DNAH5: variants seen among roughly 807,000 people sequenced by gnomAD.
The protein encoded by DNAH5 is axonemal beta dynein heavy chain 5.
DNAH5 carries 372 observed loss-of-function variants against 518.2 expected under a neutral mutation model. The observed-to-expected ratio is 0.72, with a 90% CI of 0.66 to 0.78. DNAH5 has a LOEUF of 0.78. DNAH5 is among the 30% of genes least tolerant of loss of function. The probability of loss-of-function intolerance (pLI) is 0.00; values close to 1 mark genes in which losing one functional copy is unlikely to be tolerated. For synonymous variants in DNAH5, 2,039 were observed against 2,025.9 expected, an observed-to-expected ratio of 1.01 and a Z score of -0.17; for missense variants, 5,523 against 5,687.0, an observed-to-expected ratio of 0.97 and a Z score of 0.93.
At chr5:13,927,990 G>A (rs917737510) in intron 3 of DNAH5, 104 bp downstream of exon 3, 74 of 963,356 alleles carry the variant, frequency 7.7e-5, no homozygotes, top group Admixed American at 1.1e-4. Flanking sequence ...CCTCCCGCCC[G>A]CAAGGTGAAA....
At chr5:13,719,148 A>G (rs781176981) in intron 71 of DNAH5, 47 bp from the exon 72 acceptor site, 5 of 1,382,288 alleles carry the variant, frequency 3.6e-6, no homozygotes, top group South Asian at 3.6e-5. Context: ...TATTTCACCC[A>G]AATTCTAAAT....
intron 31 of DNAH5, among the ~76,000 whole-genome samples, chr5:13,846,643 G>A (rs1441288618): frequency 6.6e-6 from 1 of 152,170 alleles, no homozygotes; most frequent in Non-Finnish European, 1.5e-5. Flanking sequence ...AGAGGGTCAT[G>A]CTAAGTAAGG....
chr5:13,901,137 T>A (rs926103024), intron 14 of DNAH5, 115 bp downstream of exon 14: 18 of 1,072,532 alleles, frequency 1.7e-5, no homozygotes, highest in African/African-American at 9.3e-5. Context: ...ATTCAACCCA[T>A]CTGCCTTACA....
chr5:13,968,745 T>C (rs1314325435), intron 1 of DNAH5, among the ~76,000 whole-genome samples: 2 of 152,200 alleles, frequency 1.3e-5, no homozygotes, highest in African/African-American at 4.8e-5. Flanking sequence ...TTTGCATCTA[T>C]GTTAATTAGG....
At chr5:13,754,979 T>C (rs1415313138) in intron 61 of DNAH5, among the ~76,000 whole-genome samples, 1 of 151,746 alleles carries the variant, frequency 6.6e-6, no homozygotes, top group African/African-American at 2.4e-5. Flanking sequence ...CCATCTCTGC[T>C]AAAAATACAA....
chr5:13,718,265 A>C (rs1744571347), intron 72 of DNAH5, among the ~76,000 whole-genome samples: 1 of 152,234 alleles, frequency 6.6e-6, no homozygotes, highest in Non-Finnish European at 1.5e-5. Flanking sequence ...ATTGAAACTC[A>C]GATTGAATGA....
At position 13,916,381 on chromosome 5, in the gene DNAH5, A is replaced by C; in HGVS notation, c.1164T>G (p.Asn388Lys). ...KMIYSISHYY[N>K]TSEKITSLFV... ...ACAGAGATGTGATCTTCTCAGAGGT[A>C]TTATAGTAATGAGAGATACTATAGA... Residue 388 changes from asparagine (N) to lysine (K), a missense_variant, in exon 9 of 79, where the codon AAT (asparagine) becomes AAG (lysine). Asn to Lys is a moderately conservative substitution (Grantham distance 94). Around this residue, in one of 3 missense-constraint regions of DNAH5, gnomAD observed 5,121 missense variants for 5,223.3 expected, o/e 0.98. Coordinates refer to ENST00000265104, the MANE Select transcript of DNAH5 (RefSeq NM_001369.3). 6.6e-7 allele frequency: 1 copy of C among 1,522,644 alleles called. No individual in the cohort carries two copies. Among genetic ancestry groups the C allele is most frequent in the African/African-American group, 1.4e-5 (1 of 73,096 alleles). 94.3% of individuals were successfully genotyped at this position (1,522,644 alleles called of 1,614,324 possible).
chr5:13,832,878 G>A (rs750395990), intron 35 of DNAH5, among the ~76,000 whole-genome samples: 63 of 152,120 alleles, frequency 4.1e-4, no homozygotes, highest in Non-Finnish European at 7.3e-4. Context: ...ATTAGCACTC[G>A]AACTAACCAA....
intron 65 of DNAH5, among the ~76,000 whole-genome samples, chr5:13,745,204 G>C (rs971269230): frequency 6.6e-6 from 1 of 152,000 alleles, no homozygotes; most frequent in Non-Finnish European, 1.5e-5. Context: ...ATCAAAGTGA[G>C]AGTGAGTCTA....
intron 78 of DNAH5, among the ~76,000 whole-genome samples, chr5:13,692,895 A>T (rs1740888197): frequency 6.6e-6 from 1 of 152,166 alleles, no homozygotes; most frequent in Non-Finnish European, 1.5e-5. Context: ...GTCTGTGGGG[A>T]CTTAAACTTA....
At chr5:13,716,941 T>TA (rs1235972207) in intron 73 of DNAH5, among the ~76,000 whole-genome samples, 1 of 152,138 alleles carries the variant, frequency 6.6e-6, no homozygotes, top group Non-Finnish European at 1.5e-5. Context: ...AAATAGAAAA[T>TA]AGTGTTTGCT....
intron 65 of DNAH5, among the ~76,000 whole-genome samples, chr5:13,744,745 A>G (rs1348440024): frequency 1.3e-5 from 2 of 152,102 alleles, no homozygotes; most frequent in Non-Finnish European, 2.9e-5. Flanking sequence ...ATGAAAACTA[A>G]ACTTATTTGT....
At chr5:13,913,596 ATTTC>A in intron 11 of DNAH5, 143 bp downstream of exon 11, 1 of 971,636 alleles carries the variant, frequency 1.0e-6, no homozygotes, top group South Asian at 1.7e-5. Flanking sequence ...AACAAATCTA[ATTTC>A]TTTATTGTTA....
At chr5:13,980,686 C>T (rs932972151) in intron 1 of DNAH5, among the ~76,000 whole-genome samples, 14 of 152,198 alleles carry the variant, frequency 9.2e-5, no homozygotes. Context: ...CCAAATGGTT[C>T]TATCTTTCCC....
chr5:13,849,935 C>A lies in DNAH5; in HGVS notation c.5114+717G>T, dbSNP rs370946642. Among the ~76,000 whole-genome samples the A allele has an allele frequency of 9.9e-5, 15 of 152,242 alleles. No individual in the cohort carries two copies. The South Asian group carries it at 3.1e-3, about 32-fold the overall frequency. On this transcript the variant is annotated intron_variant, in intron 31 of 78. Transcript: ENST00000265104. ...GCAGCCTGGCTTAGATGACCTGAGT[C>A]CCGCAGTGCACAGGACAAGCTGGTT...
At chr5:13,829,076 C>T (rs919754175) in intron 38 of DNAH5, among the ~76,000 whole-genome samples, 1 of 152,110 alleles carries the variant, frequency 6.6e-6, no homozygotes, top group Non-Finnish European at 1.5e-5. Context: ...CCTAAACAAT[C>T]GAGGAAACTA....
intron 1 of DNAH5, among the ~76,000 whole-genome samples, chr5:13,960,314 T>C (rs1302969437): frequency 6.6e-6 from 1 of 152,132 alleles, no homozygotes; most frequent in African/African-American, 2.4e-5. Flanking sequence ...ACCCCAACAC[T>C]GGAGGGGTGA....
chr5:13,811,932 T>A, intron 43 of DNAH5, 109 bp from the exon 44 acceptor site: 1 of 884,234 alleles, frequency 1.1e-6, no homozygotes, highest in Non-Finnish European at 1.8e-6. Flanking sequence ...TAATATCTAA[T>A]GATTATACCA....
intron 1 of DNAH5, among the ~76,000 whole-genome samples, chr5:13,983,160 C>T (rs115273195): frequency 0.013 from 1,934 of 152,326 alleles, 41 homozygotes; most frequent in African/African-American, 0.044. Context: ...GTCCCAGCAG[C>T]AGGGTGGACA....
Sources: allele counts gnomAD v4.1 joint callset (sites outside exome capture counted in the v4.1 genomes callset), GRCh38; gene constraint gnomAD v4.1.1; regional missense constraint gnomAD v4.1.1; transcripts MANE v1.5; gene names NCBI Gene and HGNC (gene_info 2026-07-23, HGNC 2026-07-21).